COQ10B: variants seen among roughly 807,000 people sequenced by gnomAD.
COQ10B encodes the protein coenzyme Q10B.
A neutral mutation model predicts 27.6 loss-of-function variants in COQ10B; 12 were observed. That is an observed-to-expected ratio of 0.43 (90% CI 0.28 to 0.70). The LOEUF is 0.70. Ranked by LOEUF, COQ10B falls within the 30% of genes least tolerant of loss-of-function variation. COQ10B has a pLI of 0.17. For synonymous variants in COQ10B, 115 were observed against 103.0 expected (o/e 1.12, Z -0.71); for missense variants, 278 against 288.7 (o/e 0.96, Z 0.27).
chr2:197,466,906 A>T (rs2085829830), intron 3 of COQ10B, among the ~76,000 whole-genome samples: 3 of 150,120 alleles, frequency 2.0e-5, no homozygotes, highest in South Asian at 4.2e-4. Flanking sequence ...ACTTGAGAAT[A>T]TATGCTCAAC....
intron 1 of COQ10B, chr2:197,454,044 T>TTGGCGGTGAGCCCCCTTCTC (rs1351876722): frequency 1.3e-6 from 2 of 1,551,134 alleles, no homozygotes; most frequent in East Asian, 4.9e-5. Flanking sequence ...GAGTTTGTGT[T>TTGGCGGTGAGCCCCCTTCTC]TGGCGGTGAG....
chr2:197,454,139 G>C lies in COQ10B; in HGVS notation c.104+475G>C. On this transcript the variant is annotated intron_variant, in intron 1 of 4. Coordinates refer to ENST00000263960, the MANE Select transcript of COQ10B (RefSeq NM_025147.5). ...AAGAGTGCTTTGCCCTCGCCATTTA[G>C]TGTTTACAAAACTAAATACAGCCAG... The C allele has an allele frequency of 4.5e-6, 7 of 1,550,108 alleles. No homozygotes were observed. The East Asian group carries it at 1.7e-4, about 38-fold the overall frequency.
In COQ10B at chr2:197,455,427, G is replaced by A. The variant is rs145404227; in HGVS notation, c.104+1763G>A. Among the ~76,000 whole-genome samples, 712 of 149,014 alleles carry A rather than the reference G, an allele frequency of 4.8e-3. 3 individuals carry two copies. Among genetic ancestry groups the A allele is most frequent in the Non-Finnish European group, 7.7e-3 (516 of 67,084 alleles). ...GATTGCCTGAGCTCATGAAACCAGC[G>A]TGGACAACATGGCAAAACCTTGTCT... On this transcript the variant is annotated intron_variant, in intron 1 of 4. Coordinates refer to ENST00000263960, the MANE Select transcript of COQ10B (RefSeq NM_025147.5).
At chr2:197,472,206 G>C (rs2085884578) in intron 4 of COQ10B, among the ~76,000 whole-genome samples, 1 of 151,424 alleles carries the variant, frequency 6.6e-6, no homozygotes, top group South Asian at 2.1e-4. Flanking sequence ...GAGGATATTT[G>C]GTCCTTAAAA....
chr2:197,458,619 A>G (rs2085724320), intron 1 of COQ10B, among the ~76,000 whole-genome samples: 2 of 152,082 alleles, frequency 1.3e-5, no homozygotes, highest in South Asian at 4.1e-4. Flanking sequence ...CTGGCCAGCA[A>G]TGACTAAATG....
At chr2:197,466,809 T>C (rs2085828780) in intron 3 of COQ10B, among the ~76,000 whole-genome samples, 1 of 152,118 alleles carries the variant, frequency 6.6e-6, no homozygotes, top group Admixed American at 6.6e-5. Flanking sequence ...AACTATTTTT[T>C]CTTTTTTTTT....
intron 3 of COQ10B, among the ~76,000 whole-genome samples, chr2:197,469,609 C>T (rs976278881): frequency 6.6e-6 from 1 of 152,168 alleles, no homozygotes; most frequent in Non-Finnish European, 1.5e-5. Context: ...AATAAGAGAA[C>T]AGTCTTTGAG....
At chr2:197,464,024 C>T (rs1426181032) in intron 3 of COQ10B, among the ~76,000 whole-genome samples, 1 of 110,002 alleles carries the variant, frequency 9.1e-6, no homozygotes, top group East Asian at 2.3e-4. Flanking sequence ...CACACACACA[C>T]ACATACATAC....
chr2:197,462,617 A>C lies in COQ10B; in HGVS notation c.333A>C (p.Ser111=), dbSNP rs2085773757. ...ATTTTGTTCCTTGGTGCAAAAAATC[A>C]GATGTTATATCAAAGAGATCTGGAT... ...YKHFVPWCKK[S]DVISKRSGYC... Residue 111 remains serine (S), a synonymous_variant, in exon 3 of 5, where the codon TCA becomes TCC. Coordinates refer to ENST00000263960, the MANE Select transcript of COQ10B (RefSeq NM_025147.5). 1 of 1,599,910 alleles carries C rather than the reference A, an allele frequency of 6.3e-7. No homozygotes were observed. Among genetic ancestry groups the C allele is most frequent in the Admixed American group, 1.7e-5 (1 of 58,726 alleles).
intron 3 of COQ10B, 99 bp from the exon 4 acceptor site, chr2:197,469,971 T>G (rs2085862188): frequency 1.5e-6 from 1 of 682,658 alleles, no homozygotes; most frequent in South Asian, 2.0e-5. Context: ...TAAAAATTAT[T>G]ACTTATGAAA....
At chr2:197,468,211 CG>C (rs2085844893) in intron 3 of COQ10B, among the ~76,000 whole-genome samples, 1 of 151,714 alleles carries the variant, frequency 6.6e-6, no homozygotes, top group African/African-American at 2.4e-5. Flanking sequence ...AAGGCCGAGG[CG>C]GGGGGATCAG....
intron 4 of COQ10B, among the ~76,000 whole-genome samples, chr2:197,470,975 C>G (rs2085871538): frequency 6.6e-6 from 1 of 152,110 alleles, no homozygotes; most frequent in Non-Finnish European, 1.5e-5. Context: ...GGCTGACGAG[C>G]AGATCACTTG....
Position 197,473,863 on chromosome 2 carries a change from T to C in COQ10B, c.656T>C (p.Leu219Pro), listed in dbSNP as rs760227661. The change falls in exon 5 of 5, where the codon CTG (leucine) becomes CCG (proline). Residue 219 changes from leucine to proline, a missense_variant. Physicochemically the swap from Leu to Pro is moderately conservative, Grantham distance 98. Around this residue, in one of 3 missense-constraint regions of COQ10B, gnomAD observed 83 missense variants for 104.5 expected, o/e 0.79. Coordinates refer to ENST00000263960, the MANE Select transcript of COQ10B (RefSeq NM_025147.5). ...GCCTTTGAAAGAAGAGCATGTAAGC[T>C]GTATGGTCCAGAAACAAATATACCT... ...VAAFERRACK[L>P]YGPETNIPRE... 5.6e-6 allele frequency: 9 copies of C among 1,602,166 alleles called. No homozygotes were observed. The South Asian group carries it at 1.0e-4, about 18-fold the overall frequency.
rs1223991977 is a variant in COQ10B, at chr2:197,462,698, A to G, written c.414A>G (p.Ser138=). The change falls in exon 3 of 5, where the codon TCA becomes TCG. Residue 138 remains serine (S), a synonymous_variant. Coordinates refer to ENST00000263960, the MANE Select transcript of COQ10B (RefSeq NM_025147.5). ...GFPPVLERYT[S]VVTLVKPHLV... ...CACCTGTGTTGGAGCGATATACATCAGTAGTAACCTTGGTGAAACCTCATT... is the reference window on the plus strand; with the variant it reads ...CACCTGTGTTGGAGCGATATACATCGGTAGTAACCTTGGTGAAACCTCATT... 9 of 1,562,434 alleles carry G rather than the reference A, an allele frequency of 5.8e-6. No individual in the cohort carries two copies. The highest frequency in any genetic ancestry group is 4.9e-5 in the South Asian group (4 of 81,150).
chr2:197,461,491 T>G (rs969989389), intron 2 of COQ10B, among the ~76,000 whole-genome samples: 1 of 152,012 alleles, frequency 6.6e-6, no homozygotes, highest in Non-Finnish European at 1.5e-5. Context: ...AATCTTTGGA[T>G]AGACATCATT....
At chr2:197,461,884 A>G (rs1215971915) in intron 2 of COQ10B, among the ~76,000 whole-genome samples, 1 of 151,642 alleles carries the variant, frequency 6.6e-6, no homozygotes, top group Non-Finnish European at 1.5e-5. Flanking sequence ...CAGGTGATCT[A>G]CCCACCTCAG....
In COQ10B at chr2:197,470,148, A is replaced by C. The variant is rs1242806792; in HGVS notation, c.526A>C (p.Arg176=). 6.2e-7 allele frequency: 1 copy of C among 1,611,736 alleles called. No homozygotes were observed. Among genetic ancestry groups the C allele is most frequent in the Non-Finnish European group, 8.5e-7 (1 of 1,178,056 alleles). The change falls in exon 4 of 5, where the codon AGA becomes CGA. Residue 176 remains arginine (R), a synonymous_variant. Coordinates refer to ENST00000263960, the MANE Select transcript of COQ10B (RefSeq NM_025147.5). ...RFSPGLPGYP[R]TCTLDFSISF... ...TAGCCCAGGTCTTCCTGGCTACCCA[A>C]GAACTTGTACCTTGGATTTTTCAGT...
At chr2:197,463,433 T>C (rs926932786) in intron 3 of COQ10B, among the ~76,000 whole-genome samples, 2 of 150,578 alleles carry the variant, frequency 1.3e-5, no homozygotes, top group African/African-American at 4.9e-5. Context: ...ATAGTGCCGC[T>C]GCACTGCAGC....
At chr2:197,460,277 C>G (rs1031888550) in intron 2 of COQ10B, among the ~76,000 whole-genome samples, 196 bp downstream of exon 2, 2 of 150,436 alleles carry the variant, frequency 1.3e-5, no homozygotes, top group Non-Finnish European at 2.9e-5. Flanking sequence ...TCTTGGCTCA[C>G]TGTAACCTTC....
Sources: gnomAD v4.1 joint callset for allele counts (sites outside exome capture counted in the v4.1 genomes callset) on GRCh38, gnomAD v4.1.1 for gene constraint, gnomAD v4.1.1 regional missense constraint, MANE v1.5 for transcripts, NCBI Gene and HGNC (gene_info 2026-07-23, HGNC 2026-07-21) for gene names.